Variants in CDCA2 observed in about 807,000 individuals in gnomAD.
CDCA2 encodes cell division cycle-associated protein 2.
Under a neutral mutation model 67.0 loss-of-function variants are expected in CDCA2, and 44 were observed. The observed-to-expected ratio is 0.66, with a 90% CI of 0.52 to 0.84. The LOEUF (loss-of-function observed/expected upper bound fraction) is 0.84, where lower values mean the gene tolerates loss of function less well. CDCA2 is among the 40% of genes least tolerant of loss of function. The probability of loss-of-function intolerance (pLI) is 0.00; values close to 1 mark genes in which losing one functional copy is unlikely to be tolerated. For missense variants in CDCA2, 1,253 were observed against 1,203.2 expected (o/e 1.04, Z -0.61); for synonymous variants, 447 against 418.7 (o/e 1.07, Z -0.82).
At position 25,506,657 on chromosome 8, in the gene CDCA2, A is replaced by G. The variant is rs1183868805; in HGVS notation, c.1991A>G (p.Lys664Arg). The change falls in exon 15 of 15, where the codon AAA becomes AGA. Residue 664 changes from lysine (K) to arginine (R), a missense_variant. Coordinates refer to ENST00000330560, the MANE Select transcript of CDCA2 (RefSeq NM_152562.4). ...GTCTCTGAATTCTGCTCTTATATAA[A>G]AAGTTCCTCATCGCTTGGCAATGCT... ...YDVSEFCSYI[K>R]SSSSLGNATS... 1 of 1,613,554 alleles carries G rather than the reference A, an allele frequency of 6.2e-7. No individual in the cohort carries two copies. The highest frequency in any genetic ancestry group is 1.1e-5 in the South Asian group (1 of 90,804).
In CDCA2 at chr8:25,505,890, A is replaced by G. The variant is rs533558465; in HGVS notation, c.1844-620A>G. Among the ~76,000 whole-genome samples the G allele has an allele frequency of 2.0e-5, 3 of 152,212 alleles. No individual in the cohort carries two copies. In the South Asian group the frequency reaches 6.2e-4, roughly 32 times the overall value. Reference sequence around the variant, plus strand: ...GCCAGAAATACATGAAAGCCTACCCACACGTGTCTTCCTGGAGGATATTTA... The same window carrying G: ...GCCAGAAATACATGAAAGCCTACCCGCACGTGTCTTCCTGGAGGATATTTA... On this transcript the variant is annotated intron_variant, in intron 14 of 14. Transcript: ENST00000330560.
chr8:25,481,417 G>A (rs999509612), intron 8 of CDCA2, among the ~76,000 whole-genome samples: 7 of 152,154 alleles, frequency 4.6e-5, no homozygotes, highest in Admixed American at 2.0e-4. Context: ...CTGGCCGGGC[G>A]TGGTGGCTTA....
At chr8:25,460,759 AT>A (rs1178882754) in intron 3 of CDCA2, among the ~76,000 whole-genome samples, 1 of 152,242 alleles carries the variant, frequency 6.6e-6, no homozygotes, top group African/African-American at 2.4e-5. Flanking sequence ...GGCACCCAGC[AT>A]GATAATGTTC....
chr8:25,474,797 C>G (rs938623616), intron 7 of CDCA2, among the ~76,000 whole-genome samples: 28 of 152,166 alleles, frequency 1.8e-4, no homozygotes, highest in African/African-American at 6.5e-4. Context: ...GGCTCTGAGT[C>G]TGCTTGAGGT....
At chr8:25,461,507 C>T (rs1002595409) in intron 3 of CDCA2, among the ~76,000 whole-genome samples, 1 of 152,178 alleles carries the variant, frequency 6.6e-6, no homozygotes, top group African/African-American at 2.4e-5. Flanking sequence ...GCACGCCACC[C>T]TAACTTTCAT....
intron 13 of CDCA2, among the ~76,000 whole-genome samples, chr8:25,501,948 A>G (rs886537533): frequency 2.8e-4 from 42 of 152,152 alleles, no homozygotes; most frequent in Non-Finnish European, 7.3e-5. Flanking sequence ...GCCAGGCTGG[A>G]GTGCAGTGGC....
intron 7 of CDCA2, among the ~76,000 whole-genome samples, chr8:25,471,028 C>T (rs1336704257): frequency 6.6e-6 from 1 of 152,120 alleles, no homozygotes; most frequent in East Asian, 1.9e-4. Flanking sequence ...TCCTAAAGTC[C>T]TGGGATTACA....
chr8:25,507,218 C>T lies in CDCA2; in HGVS notation c.2552C>T (p.Thr851Ile). ...SLHLEKNGNH[T>I]PSSSVGSSVE... ...CATTTGGAAAAAAATGGAAATCACACACCATCCTCCAGTGTGGGCAGCTCT... is the reference window on the plus strand; with the variant it reads ...CATTTGGAAAAAAATGGAAATCACATACCATCCTCCAGTGTGGGCAGCTCT... The change falls in exon 15 of 15, where the codon ACA becomes ATA. Residue 851 changes from threonine to isoleucine, a missense_variant. Transcript: ENST00000330560. 2 of 1,614,174 alleles carry T rather than the reference C, an allele frequency of 1.2e-6. No homozygotes were observed. Among genetic ancestry groups the T allele is most frequent in the Non-Finnish European group, 1.7e-6 (2 of 1,180,050 alleles).
chr8:25,480,722 T>G (rs1170392503), intron 8 of CDCA2, among the ~76,000 whole-genome samples: 1 of 152,188 alleles, frequency 6.6e-6, no homozygotes, highest in African/African-American at 2.4e-5. Context: ...TGAACCCAGA[T>G]AAGTCTGCTG....
At position 25,466,223 on chromosome 8, in the gene CDCA2, T is replaced by C; in HGVS notation, c.436T>C (p.Ser146Pro). 6.2e-7 allele frequency: 1 copy of C among 1,611,592 alleles called. No homozygotes were observed. The highest frequency in any genetic ancestry group is 2.2e-5 in the East Asian group (1 of 44,792). Residue 146 changes from serine to proline, a missense_variant, in exon 5 of 15, where the codon TCA (serine) becomes CCA (proline). Ser to Pro is a moderately conservative substitution (Grantham distance 74). Transcript: ENST00000330560. ...TGTTAACACTTTAAGAGAACGAATATCAGCCTTCCAGTCAGCTTTTCACTC... is the reference window on the plus strand; with the variant it reads ...TGTTAACACTTTAAGAGAACGAATACCAGCCTTCCAGTCAGCTTTTCACTC... Reference protein sequence around the residue: ...RNVNTLRERISAFQSAFHSIK... With the variant: ...RNVNTLRERIPAFQSAFHSIK...
chr8:25,494,045 G>A (rs1175157242), intron 13 of CDCA2, among the ~76,000 whole-genome samples: 2 of 152,194 alleles, frequency 1.3e-5, no homozygotes, highest in African/African-American at 4.8e-5. Flanking sequence ...TCCACAAAGC[G>A]AGTATTAGGC....
At chr8:25,476,779 C>G (rs1459019089) in intron 7 of CDCA2, among the ~76,000 whole-genome samples, 1 of 152,018 alleles carries the variant, frequency 6.6e-6, no homozygotes, top group Non-Finnish European at 1.5e-5. Context: ...CTCTCAAACT[C>G]CTAACCTCTG....
chr8:25,478,916 A>G (rs1386521682), intron 7 of CDCA2, among the ~76,000 whole-genome samples: 1 of 148,000 alleles, frequency 6.8e-6, no homozygotes, highest in Non-Finnish European at 1.5e-5. Context: ...ATATATATTA[A>G]CTTTTTACTT....
chr8:25,499,470 A>G (rs1804385805), intron 13 of CDCA2, among the ~76,000 whole-genome samples: 2 of 151,624 alleles, frequency 1.3e-5, no homozygotes, highest in South Asian at 4.2e-4. Context: ...CACCCAGCTA[A>G]TTTTTGTATT....
In CDCA2 at chr8:25,497,498, ATAAAAAAT is replaced by A. The variant is rs1426981755; in HGVS notation, c.1672-5874_1672-5867del. Among the ~76,000 whole-genome samples the A allele has an allele frequency of 8.2e-5, 7 of 85,450 alleles. 1 individual carries two copies. Among genetic ancestry groups the A allele is most frequent in the East Asian group, 7.7e-4 (2 of 2,602 alleles). 56.1% of individuals were successfully genotyped at this position (85,450 alleles called of 152,430 possible). ...TACTTACATGTGGAATCTTTAAAAA[ATAAAAAAT>A]AAAAAAAAAAAAAACTCACAGAAGC... On this transcript the variant is annotated intron_variant, in intron 13 of 14. Coordinates refer to ENST00000330560, the MANE Select transcript of CDCA2 (RefSeq NM_152562.4).
At chr8:25,481,931 G>A (rs1803587383) in intron 8 of CDCA2, among the ~76,000 whole-genome samples, 1 of 152,148 alleles carries the variant, frequency 6.6e-6, no homozygotes. Context: ...GTTTGGGGCA[G>A]GACTATTTCT....
chr8:25,484,509 A>G (rs1186270623), intron 10 of CDCA2, among the ~76,000 whole-genome samples: 1 of 152,072 alleles, frequency 6.6e-6, no homozygotes, highest in Non-Finnish European at 1.5e-5. Context: ...GAAATAAATT[A>G]CCTCATTATC....
intron 7 of CDCA2, among the ~76,000 whole-genome samples, chr8:25,476,558 C>CTT (rs555991670): frequency 2.8e-5 from 4 of 145,208 alleles, no homozygotes; most frequent in African/African-American, 1.0e-4. Context: ...TCTTTTTTTT[C>CTT]TTTTTTTTTT....
chr8:25,484,613 A>G (rs1175678077), intron 10 of CDCA2, among the ~76,000 whole-genome samples: 5 of 132,968 alleles, frequency 3.8e-5, no homozygotes, highest in Non-Finnish European at 7.8e-5. Flanking sequence ...TTTTTTTGAG[A>G]TAGGGTCTTA....
Sources: allele counts gnomAD v4.1 joint callset (sites outside exome capture counted in the v4.1 genomes callset), GRCh38; gene constraint gnomAD v4.1.1; transcripts MANE v1.5; gene names NCBI Gene and HGNC (gene_info 2026-07-23, HGNC 2026-07-21).